Variants in RGS10 observed in about 807,000 individuals in gnomAD.
RGS10 encodes the protein regulator of G-protein signalling 10.
A neutral mutation model predicts 23.5 loss-of-function variants in RGS10; 11 were observed. The ratio of observed to expected loss-of-function variants is 0.47; its 90% CI spans 0.29 to 0.77. RGS10 has a LOEUF of 0.77. RGS10 is among the 30% of genes least tolerant of loss of function. RGS10 has a pLI of 0.08. For missense variants in RGS10, 180 were observed against 226.3 expected (o/e 0.80, Z 1.31); for synonymous variants, 77 against 83.2 (o/e 0.92, Z 0.41).
intron 4 of RGS10, among the ~76,000 whole-genome samples, chr10:119,507,396 C>T (rs1844026604): frequency 6.6e-6 from 1 of 152,072 alleles, no homozygotes; most frequent in East Asian, 1.9e-4. Context: ...GACAGCCCCT[C>T]TCTCACCCTC....
In RGS10 at chr10:119,537,685, T is replaced by C. The variant is rs7085468; in HGVS notation, c.49+4905A>G. Among the ~76,000 whole-genome samples the C allele has an allele frequency of 5.2e-3, 789 of 152,158 alleles. 7 individuals carry two copies. The highest frequency in any genetic ancestry group is 0.017 in the African/African-American group (692 of 41,510). On this transcript the variant is annotated intron_variant, in intron 1 of 4. Transcript: ENST00000369103. Reference sequence around the variant, plus strand: ...TGAATTGAGGAGAGGAGGCCAGGGGTTCCCAGGTGGCCGCCTGCCCACAGT... The same window carrying C: ...TGAATTGAGGAGAGGAGGCCAGGGGCTCCCAGGTGGCCGCCTGCCCACAGT...
intron 4 of RGS10, among the ~76,000 whole-genome samples, chr10:119,511,983 T>C (rs1487992177): frequency 6.6e-6 from 1 of 152,220 alleles, no homozygotes; most frequent in Non-Finnish European, 1.5e-5. Flanking sequence ...CTGAAAACTC[T>C]TGAAGCTCTC....
chr10:119,534,695 C>T (rs1341363738), intron 1 of RGS10, among the ~76,000 whole-genome samples: 1 of 151,276 alleles, frequency 6.6e-6, no homozygotes, highest in South Asian at 2.1e-4. Flanking sequence ...TCGAAACCAT[C>T]CTAGCCAATG....
rs984918580 is a variant in RGS10, at chr10:119,524,801, A to C, written c.255+1231T>G. Among the ~76,000 whole-genome samples, 57 of 152,214 alleles carry C rather than the reference A, an allele frequency of 3.7e-4. No individual in the cohort carries two copies. The highest frequency in any genetic ancestry group is 3.6e-3 in the Admixed American group (55 of 15,286). ...TGGGCCTGGGAAGTTCAAGCCAAAGAGAATCCATCTTAGAATACTCCCTTG... is the reference window on the plus strand; with the variant it reads ...TGGGCCTGGGAAGTTCAAGCCAAAGCGAATCCATCTTAGAATACTCCCTTG... On this transcript the variant is annotated intron_variant, in intron 3 of 4. Transcript: ENST00000369103. The surrounding 1 kb of genome is among the most constrained non-coding windows in gnomAD (Gnocchi z 5.2).
At chr10:119,537,602 A>G (rs910903485) in intron 1 of RGS10, among the ~76,000 whole-genome samples, 3 of 152,168 alleles carry the variant, frequency 2.0e-5, no homozygotes, top group Non-Finnish European at 2.9e-5. Flanking sequence ...GGAGAGAAAA[A>G]CACAGAGAAA....
intron 1 of RGS10, among the ~76,000 whole-genome samples, chr10:119,539,885 G>A (rs909325786): frequency 4.0e-5 from 6 of 151,856 alleles, no homozygotes; most frequent in Admixed American, 2.6e-4. Context: ...TCCTGCAGGA[G>A]CAGCTCTGGC....
chr10:119,510,221 C>G (rs1460060839), intron 4 of RGS10, among the ~76,000 whole-genome samples: 1 of 152,210 alleles, frequency 6.6e-6, no homozygotes, highest in East Asian at 1.9e-4. Context: ...TGTTCACATC[C>G]CTGCAATTAA....
At chr10:119,511,567 A>C (rs1844076541) in intron 4 of RGS10, among the ~76,000 whole-genome samples, 1 of 152,192 alleles carries the variant, frequency 6.6e-6, no homozygotes, top group Non-Finnish European at 1.5e-5. Context: ...TGCAGTGAGC[A>C]GAGATGGCAC....
chr10:119,511,580 T>C (rs186989196), intron 4 of RGS10, among the ~76,000 whole-genome samples: 3 of 152,246 alleles, frequency 2.0e-5, no homozygotes, highest in Non-Finnish European at 2.9e-5. Context: ...GATGGCACCA[T>C]TGTACTCCAG....
intron 4 of RGS10, among the ~76,000 whole-genome samples, chr10:119,505,265 CA>C (rs1335271558): frequency 6.7e-6 from 1 of 148,200 alleles, no homozygotes; most frequent in African/African-American, 2.5e-5. Context: ...ATCCGTCCAA[CA>C]AACGGCTGCT....
intron 1 of RGS10, among the ~76,000 whole-genome samples, chr10:119,528,234 T>C (rs578142560): frequency 9.2e-5 from 14 of 152,248 alleles, no homozygotes; most frequent in African/African-American, 3.1e-4. Flanking sequence ...TTTTACCATG[T>C]TGGCCAGGCT....
intron 1 of RGS10, among the ~76,000 whole-genome samples, chr10:119,541,442 T>G (rs1406807308): frequency 6.6e-6 from 1 of 152,088 alleles, no homozygotes; most frequent in Non-Finnish European, 1.5e-5. Context: ...AGGTTCCAAT[T>G]AAGTACTTTA....
At chr10:119,536,937 A>G (rs1844394210) in intron 1 of RGS10, among the ~76,000 whole-genome samples, 1 of 152,088 alleles carries the variant, frequency 6.6e-6, no homozygotes, top group Non-Finnish European at 1.5e-5. Context: ...AGTCAGGTGG[A>G]TGGTGCATTT....
rs745976062 is a variant in RGS10 at position 119,527,306 on chromosome 10, C to A, written c.168G>T (p.Arg56Ser). 6.2e-7 allele frequency: 1 copy of A among 1,610,066 alleles called. No homozygotes were observed. Among genetic ancestry groups the A allele is most frequent in the South Asian group, 1.1e-5 (1 of 90,958 alleles). Residue 56 changes from arginine to serine, a missense_variant and splice_region_variant, in exon 2 of 5, where the codon AGG (arginine) becomes AGT (serine). Transcript: ENST00000369103. This position sits in a 1 kb window ranked among gnomAD's most constrained non-coding sequence, Gnocchi z 4.2. Reference protein sequence around the residue: ...LEDPEGVKRFREFLKKEFSEE... With the variant: ...LEDPEGVKRFSEFLKKEFSEE... Reference sequence around the variant, plus strand: ...CCGATTAACAATGAAAAAGACAAACCCTAAATCTTTTCACGCCTTCTGGGT... The same window carrying A: ...CCGATTAACAATGAAAAAGACAAACACTAAATCTTTTCACGCCTTCTGGGT...
At chr10:119,525,153 C>T (rs959470510) in intron 3 of RGS10, among the ~76,000 whole-genome samples, 1 of 152,116 alleles carries the variant, frequency 6.6e-6, no homozygotes, top group Non-Finnish European at 1.5e-5. Context: ...GAAAAACAGG[C>T]GGTACTAGGT....
chr10:119,534,165 A>G (rs2133960132), intron 1 of RGS10, among the ~76,000 whole-genome samples: 1 of 152,118 alleles, frequency 6.6e-6, no homozygotes, highest in South Asian at 2.1e-4. Flanking sequence ...CTGAGACAGG[A>G]GAATCACTTG....
intron 4 of RGS10, among the ~76,000 whole-genome samples, chr10:119,501,964 A>G (rs1843957711): frequency 6.6e-6 from 1 of 151,986 alleles, no homozygotes; most frequent in Non-Finnish European, 1.5e-5. Context: ...TAAACTGTTA[A>G]ACTAGCGCCT....
rs951103352 is a variant in RGS10, at chr10:119,538,610, G to C, written c.49+3980C>G. Among the ~76,000 whole-genome samples the C allele has an allele frequency of 6.6e-6, 1 of 152,178 alleles. No homozygotes were observed. Among genetic ancestry groups the C allele is most frequent in the Non-Finnish European group, 1.5e-5 (1 of 68,024 alleles). On this transcript the variant is annotated intron_variant, in intron 1 of 4. Transcript: ENST00000369103. This position sits in a 1 kb window ranked among gnomAD's most constrained non-coding sequence, Gnocchi z 4.5. The stretch of plus-strand genomic sequence containing the variant: ...AGTCAGATAAGGGGTCCCCCACCAG[G>C]CAGTGGGGCAGCAAGGTGGACCTGA...
chr10:119,515,751 G>C, intron 3 of RGS10, 99 bp from the exon 4 acceptor site: 1 of 1,444,354 alleles, frequency 6.9e-7, no homozygotes, highest in Non-Finnish European at 9.4e-7. Flanking sequence ...AGCTGCTGTG[G>C]CAAGAGAAAG....
Sources: gnomAD v4.1 joint callset for allele counts (sites outside exome capture counted in the v4.1 genomes callset) on GRCh38, gnomAD v4.1.1 for gene constraint, Gnocchi (gnomAD v3.1) non-coding constraint, MANE v1.5 for transcripts, NCBI Gene and HGNC (gene_info 2026-07-23, HGNC 2026-07-21) for gene names.